Variants in CNTN4 observed in about 807,000 individuals in gnomAD.
The protein encoded by CNTN4 is contactin-4.
Under a neutral mutation model 122.5 loss-of-function variants are expected in CNTN4, and 77 were observed. The observed-to-expected ratio is 0.63, with a 90% CI of 0.52 to 0.76. The LOEUF is 0.76. CNTN4 is among the 30% of genes least tolerant of loss of function. The pLI is 0.00. For synonymous variants in CNTN4, 512 were observed against 447.0 expected, an observed-to-expected ratio of 1.15 and a Z score of -1.83; for missense variants, 1,256 against 1,259.1, an observed-to-expected ratio of 1.00 and a Z score of 0.04.
intron 14 of CNTN4, among the ~76,000 whole-genome samples, chr3:3,017,467 G>T (rs1697863160): frequency 6.6e-6 from 1 of 152,194 alleles, no homozygotes. Context: ...TATTTCATCA[G>T]GATATTTCGG....
At chr3:3,019,765 AAT>A (rs67229453) in intron 14 of CNTN4, among the ~76,000 whole-genome samples, 17,882 of 137,366 alleles carry the variant, frequency 0.13, 1,265 homozygotes, top group South Asian at 0.17. Context: ...TGTGTACACA[AAT>A]ATATATATAT....
At chr3:2,321,562 G>A (rs1306999779) in intron 2 of CNTN4, among the ~76,000 whole-genome samples, 1 of 151,114 alleles carries the variant, frequency 6.6e-6, no homozygotes, top group Non-Finnish European at 1.5e-5. Flanking sequence ...AATCACTTGG[G>A]TTTTCAGTAC....
chr3:2,848,683 C>G (rs1412268069), intron 7 of CNTN4, among the ~76,000 whole-genome samples: 3 of 152,204 alleles, frequency 2.0e-5, no homozygotes, highest in Non-Finnish European at 4.4e-5. Context: ...TTGCTTTTCA[C>G]AAGCTGCCTC....
intron 14 of CNTN4, among the ~76,000 whole-genome samples, chr3:2,998,473 A>G (rs1695737302): frequency 6.6e-6 from 1 of 152,170 alleles, no homozygotes; most frequent in Non-Finnish European, 1.5e-5. Context: ...GGGAATGCCT[A>G]CACTCAACAA....
At chr3:2,283,181 CATT>C (rs201737644) in intron 2 of CNTN4, among the ~76,000 whole-genome samples, 7 of 151,914 alleles carry the variant, frequency 4.6e-5, no homozygotes, top group African/African-American at 1.5e-4. Flanking sequence ...TAAGAGAAGA[CATT>C]ATAATAAACA....
At position 2,360,329 on chromosome 3, in the gene CNTN4, T is replaced by C. The variant is rs139466212; in HGVS notation, c.-89+21096T>C. On this transcript the variant is annotated intron_variant, in intron 3 of 24. Transcript: ENST00000418658. ...AATATTTTACTGTTCAGTTTAAAAA[T>C]GTTTCTGGAATCCTTAGGGTTTTCC... is the stretch of plus-strand genomic sequence containing the variant. Among the ~76,000 whole-genome samples the C allele has an allele frequency of 9.6e-3, 1,466 of 152,300 alleles. 30 individuals are homozygous for C. The highest frequency in any genetic ancestry group is 0.034 in the African/African-American group (1,403 of 41,558).
Position 2,603,489 on chromosome 3 carries a change from C to G in CNTN4, c.55+31931C>G, listed in dbSNP as rs147683691. On this transcript the variant is annotated intron_variant, in intron 4 of 24. Coordinates refer to ENST00000418658, the MANE Select transcript of CNTN4 (RefSeq NM_175607.3). ...TACAGAAAATAATGCTGGCAGTCTG[C>G]TGATTAAAGTGTCTGAATAAAATGG... Among the ~76,000 whole-genome samples the G allele has an allele frequency of 5.3e-5, 8 of 152,194 alleles. No homozygotes were observed. In the East Asian group the frequency reaches 1.4e-3, roughly 26 times the overall value.
At chr3:2,930,301 T>G (rs754819267) in intron 13 of CNTN4, among the ~76,000 whole-genome samples, 4 of 152,222 alleles carry the variant, frequency 2.6e-5, no homozygotes, top group Non-Finnish European at 5.9e-5. Context: ...GGATGATGAT[T>G]ATTATTGTTA....
intron 3 of CNTN4, among the ~76,000 whole-genome samples, chr3:2,395,754 T>A (rs951849796): frequency 1.3e-5 from 2 of 152,178 alleles, no homozygotes; most frequent in Admixed American, 1.3e-4. Context: ...TCCAACTGTA[T>A]CCATGAATGA....
chr3:2,571,932 T>G (rs1370323947), intron 4 of CNTN4, among the ~76,000 whole-genome samples: 1 of 152,218 alleles, frequency 6.6e-6, no homozygotes, highest in Non-Finnish European at 1.5e-5. Flanking sequence ...GATGGACGTT[T>G]ATCTGGATAG....
At chr3:2,370,326 G>A (rs1214716573) in intron 3 of CNTN4, among the ~76,000 whole-genome samples, 1 of 152,104 alleles carries the variant, frequency 6.6e-6, no homozygotes, top group East Asian at 1.9e-4. Context: ...ATGATATTAT[G>A]TTGAAGAGAA....
At chr3:2,575,940 G>A (rs1016910231) in intron 4 of CNTN4, among the ~76,000 whole-genome samples, 3 of 150,140 alleles carry the variant, frequency 2.0e-5, no homozygotes, top group African/African-American at 7.4e-5. Flanking sequence ...TCCTGCATCA[G>A]CCTCCCGAGT....
chr3:2,244,983 G>A (rs2040085781), intron 2 of CNTN4, among the ~76,000 whole-genome samples: 1 of 152,002 alleles, frequency 6.6e-6, no homozygotes, highest in Non-Finnish European at 1.5e-5. Context: ...TCAACCTACT[G>A]TAATATTTTA....
intron 8 of CNTN4, among the ~76,000 whole-genome samples, chr3:2,882,271 C>G (rs2093920740): frequency 6.6e-6 from 1 of 151,522 alleles, no homozygotes; most frequent in Admixed American, 6.6e-5. Flanking sequence ...GAGGCTGAAG[C>G]AGGAGAATCG....
chr3:2,502,434 G>A (rs981415998), intron 3 of CNTN4, among the ~76,000 whole-genome samples: 7 of 152,136 alleles, frequency 4.6e-5, no homozygotes, highest in African/African-American at 1.7e-4. Context: ...ATTCCAGGAA[G>A]TACATTTACA....
intron 2 of CNTN4, among the ~76,000 whole-genome samples, chr3:2,234,292 C>G (rs553471694): frequency 2.1e-5 from 3 of 142,094 alleles, no homozygotes; most frequent in Non-Finnish European, 4.5e-5. Context: ...GCAGGAGAAT[C>G]ACTTGAACCC....
At chr3:2,630,005 T>A (rs75125160) in intron 4 of CNTN4, among the ~76,000 whole-genome samples, 61 of 152,330 alleles carry the variant, frequency 4.0e-4, no homozygotes, top group Non-Finnish European at 7.4e-4. Flanking sequence ...GAGCCGAATC[T>A]GCCTCTCTAC....
chr3:3,023,310 G>A (rs572782228), intron 14 of CNTN4, among the ~76,000 whole-genome samples: 3 of 152,138 alleles, frequency 2.0e-5, no homozygotes, highest in East Asian at 3.9e-4. Context: ...AACATGAATC[G>A]GCGACAAGTG....
chr3:2,996,431 C>G (rs980340677), intron 14 of CNTN4, among the ~76,000 whole-genome samples: 8 of 152,076 alleles, frequency 5.3e-5, no homozygotes, highest in Admixed American at 2.6e-4. Context: ...CACCTTTTAC[C>G]TGGTGATATT....
Sources: allele counts gnomAD v4.1 joint callset (sites outside exome capture counted in the v4.1 genomes callset), GRCh38; gene constraint gnomAD v4.1.1; transcripts MANE v1.5; gene names NCBI Gene and HGNC (gene_info 2026-07-23, HGNC 2026-07-21).